The following TXNL4A variants were observed in gnomAD, a reference collection of about 807,000 sequenced individuals.
TXNL4A encodes the protein thioredoxin-like protein 4A.
TXNL4A carries 17 observed loss-of-function variants against 14.6 expected under a neutral mutation model. The observed-to-expected ratio is 1.16, with a 90% confidence interval of 0.80 to 1.74. The LOEUF (loss-of-function observed/expected upper bound fraction) is 1.74. Among genes scored for constraint, TXNL4A ranks in the 40% most tolerant of loss-of-function variants. The pLI is 0.00. For synonymous variants in TXNL4A, 83 were observed against 70.6 expected (o/e 1.18, Z -0.88); for missense variants, 74 against 195.2 (o/e 0.38, Z 3.70).
intron 1 of TXNL4A, among the ~76,000 whole-genome samples, chr18:80,024,396 C>T (rs1198282077): frequency 6.6e-6 from 1 of 152,186 alleles, no homozygotes; most frequent in African/African-American, 2.4e-5. Flanking sequence ...CCTGCTTACA[C>T]TTGGAGTGCT....
At chr18:80,013,280 GC>G (rs2051784446) in intron 1 of TXNL4A, among the ~76,000 whole-genome samples, 1 of 151,326 alleles carries the variant, frequency 6.6e-6, no homozygotes, top group African/African-American at 2.4e-5. Flanking sequence ...CCGCCACCAT[GC>G]CCAGCTAATT....
At position 79,982,338 on chromosome 18, in the gene TXNL4A, T is replaced by C. The variant is rs989765219; in HGVS notation, c.154-4637A>G. Among the ~76,000 whole-genome samples, 4 of 152,172 alleles carry C rather than the reference T, an allele frequency of 2.6e-5. No homozygotes were observed. The highest frequency in any genetic ancestry group is 9.7e-5 in the African/African-American group (4 of 41,426). ...AAGCAGGAATTGAAGAGTTCAGTTT[T>C]GTATATACTGAGTTTGAGAAAACTA... On this transcript the variant is annotated intron_variant, in intron 1 of 2. Coordinates refer to ENST00000269601, the MANE Select transcript of TXNL4A (RefSeq NM_006701.5). This position sits in a 1 kb window ranked among gnomAD's most constrained non-coding sequence, Gnocchi z 4.0.
intron 1 of TXNL4A, among the ~76,000 whole-genome samples, chr18:80,000,151 C>T (rs2051689403): frequency 1.3e-5 from 2 of 152,096 alleles, no homozygotes; most frequent in Admixed American, 1.3e-4. Context: ...GTGGAAGTAA[C>T]TTTGGAACTG....
intron 1 of TXNL4A, among the ~76,000 whole-genome samples, chr18:80,016,653 G>A (rs1286350898): frequency 7.9e-5 from 12 of 152,136 alleles, no homozygotes; most frequent in South Asian, 4.2e-4. Flanking sequence ...TCTCAGGTTC[G>A]TCAAAGATCA....
intron 1 of TXNL4A, among the ~76,000 whole-genome samples, chr18:80,025,642 T>C (rs1350044957): frequency 1.3e-5 from 2 of 152,222 alleles, no homozygotes; most frequent in South Asian, 2.1e-4. Context: ...TTGTGAGTCA[T>C]AGTTAAAGAA....
At chr18:79,991,026 T>G (rs1180785927), upstream of TXNL4A, among the ~76,000 whole-genome samples, 2 of 147,932 alleles carry the variant, frequency 1.4e-5, no homozygotes, top group Non-Finnish European at 3.0e-5. Flanking sequence ...GAGAATGGCG[T>G]GAACCCGGGA....
At chr18:80,008,746 C>T (rs569452521) in intron 1 of TXNL4A, among the ~76,000 whole-genome samples, 2 of 152,228 alleles carry the variant, frequency 1.3e-5, no homozygotes, top group South Asian at 2.1e-4. Flanking sequence ...TTGAAAGAAG[C>T]AGTTGGAAAT....
intron 1 of TXNL4A, among the ~76,000 whole-genome samples, chr18:80,027,291 T>C (rs1028633845): frequency 6.6e-6 from 1 of 151,950 alleles, no homozygotes; most frequent in African/African-American, 2.4e-5. Flanking sequence ...CACAAGCCCC[T>C]GCAACAGCCC....
chr18:80,008,992 G>A (rs1409710777), intron 1 of TXNL4A, among the ~76,000 whole-genome samples: 3 of 151,968 alleles, frequency 2.0e-5, no homozygotes, highest in Non-Finnish European at 4.4e-5. Context: ...TGGCCAGGCT[G>A]GTCTCCAGCT....
intron 1 of TXNL4A, among the ~76,000 whole-genome samples, chr18:80,005,022 G>A (rs897714402): frequency 7.2e-5 from 11 of 152,256 alleles, no homozygotes; most frequent in African/African-American, 2.7e-4. Flanking sequence ...GGGCTGGACT[G>A]AATGAGCCCG....
chr18:80,022,032 A>G (rs971107280), intron 1 of TXNL4A, among the ~76,000 whole-genome samples: 5 of 151,942 alleles, frequency 3.3e-5, no homozygotes, highest in Non-Finnish European at 7.4e-5. Flanking sequence ...GAAGTAGCAT[A>G]GCATCTTTTA....
chr18:80,014,265 C>T (rs1478482063), intron 1 of TXNL4A, among the ~76,000 whole-genome samples: 3 of 152,104 alleles, frequency 2.0e-5, no homozygotes, highest in African/African-American at 7.2e-5. Context: ...AGAATTACCC[C>T]AAAAGTCCAT....
At chr18:79,996,575 G>T (rs2051664116) in intron 1 of TXNL4A, among the ~76,000 whole-genome samples, 1 of 152,168 alleles carries the variant, frequency 6.6e-6, no homozygotes, top group African/African-American at 2.4e-5. Flanking sequence ...CATCCATAAT[G>T]CTCATATCTC....
chr18:80,000,494 G>A (rs1488462846), intron 1 of TXNL4A, among the ~76,000 whole-genome samples: 1 of 152,160 alleles, frequency 6.6e-6, no homozygotes, highest in East Asian at 1.9e-4. Flanking sequence ...AGGTGGCTTG[G>A]GTGCTGTTAA....
chr18:80,024,076 T>C (rs1055994149), intron 1 of TXNL4A, among the ~76,000 whole-genome samples: 1 of 152,192 alleles, frequency 6.6e-6, no homozygotes, highest in South Asian at 2.1e-4. Context: ...CTCGGGCACC[T>C]TGTAGCCCAA....
At position 79,993,609 on chromosome 18, in the gene TXNL4A, T is replaced by TTGTGTGTGTTGGGTTG. The variant is rs1418518634; in HGVS notation, c.-60-15924_-60-15909dup. Among the ~76,000 whole-genome samples, 141 of 152,086 alleles carry TTGTGTGTGTTGGGTTG rather than the reference T, an allele frequency of 9.3e-4. No homozygotes were observed. The highest frequency in any genetic ancestry group is 1.8e-3 in the Non-Finnish European group (122 of 68,002). ...GTTTTGTTGTTTCCGTCTTGTTGGG[T>TTGTGTGTGTTGGGTTG]TGTGTGTGTTGGGTTGTGTGTGTGT... is the stretch of plus-strand genomic sequence containing the variant. On this transcript the variant is annotated intron_variant, in intron 1 of 2. Coordinates refer to the TXNL4A transcript ENST00000585474. The surrounding 1 kb of genome is among the most constrained non-coding windows in gnomAD (Gnocchi z 4.4).
At chr18:79,999,233 G>C (rs923845491) in intron 1 of TXNL4A, among the ~76,000 whole-genome samples, 1 of 152,142 alleles carries the variant, frequency 6.6e-6, no homozygotes, top group Non-Finnish European at 1.5e-5. Context: ...ACAAGTATCA[G>C]AGCTGTTAGA....
chr18:80,001,936 G>A (rs1201373602), intron 1 of TXNL4A, among the ~76,000 whole-genome samples: 1 of 152,124 alleles, frequency 6.6e-6, no homozygotes, highest in East Asian at 1.9e-4. Flanking sequence ...TGAAATATGA[G>A]GACATGAGAT....
At chr18:80,009,012 C>G (rs895400604) in intron 1 of TXNL4A, among the ~76,000 whole-genome samples, 2 of 151,780 alleles carry the variant, frequency 1.3e-5, no homozygotes, top group Non-Finnish European at 2.9e-5. Context: ...TCCTAGACCT[C>G]GTGATCCGCC....
Sources: gnomAD v4.1 joint callset for allele counts (sites outside exome capture counted in the v4.1 genomes callset) on GRCh38, gnomAD v4.1.1 for gene constraint, Gnocchi (gnomAD v3.1) non-coding constraint, MANE v1.5 for transcripts, NCBI Gene and HGNC (gene_info 2026-07-23, HGNC 2026-07-21) for gene names.